DYM: variants seen among roughly 807,000 people sequenced by gnomAD.
DYM encodes the protein dyggve-Melchior-Clausen syndrome protein.
Under a neutral mutation model 93.1 loss-of-function variants are expected in DYM, and 78 were observed. The ratio of observed to expected loss-of-function variants is 0.84; its 90% confidence interval spans 0.70 to 1.01. DYM has a LOEUF of 1.01. Among genes scored for constraint, DYM ranks in the 50% least tolerant of loss-of-function variants. The pLI, the probability that DYM is intolerant of heterozygous loss-of-function variation, is 0.00. For synonymous variants in DYM, 321 were observed against 319.7 expected, an observed-to-expected ratio of 1.00 and a Z score of -0.04; for missense variants, 789 against 845.0, an observed-to-expected ratio of 0.93 and a Z score of 0.82.
chr18:49,112,492 G>A (rs879865742), intron 16 of DYM, among the ~76,000 whole-genome samples: 12 of 152,110 alleles, frequency 7.9e-5, no homozygotes, highest in Non-Finnish European at 1.5e-4. Context: ...TGGGTGGGCC[G>A]ATGACCCCTC....
intron 15 of DYM, among the ~76,000 whole-genome samples, chr18:49,139,153 CTT>C (rs571600084): frequency 1.8e-3 from 269 of 152,096 alleles, no homozygotes; most frequent in African/African-American, 6.0e-3. Context: ...TTTTCCTAAA[CTT>C]TTGTTGTAAT....
At chr18:49,194,420 G>GA (rs1456764868) in intron 14 of DYM, among the ~76,000 whole-genome samples, 1 of 151,972 alleles carries the variant, frequency 6.6e-6, no homozygotes, top group African/African-American at 2.4e-5. Context: ...CATCTGGTGG[G>GA]AAAAAAGGAT....
chr18:49,404,390 T>C (rs1189976303), intron 2 of DYM, among the ~76,000 whole-genome samples: 7 of 152,186 alleles, frequency 4.6e-5, no homozygotes, highest in Non-Finnish European at 8.8e-5. Context: ...TACAAGTGCA[T>C]GTGTCTTTTT....
At chr18:49,232,568 C>G (rs559420661) in intron 13 of DYM, among the ~76,000 whole-genome samples, 2 of 146,274 alleles carry the variant, frequency 1.4e-5, no homozygotes, top group Non-Finnish European at 3.0e-5. Flanking sequence ...CTCCAAAGTG[C>G]TGGGATTACA....
At chr18:49,399,940 T>TC (rs1271260660) in intron 2 of DYM, among the ~76,000 whole-genome samples, 1 of 121,382 alleles carries the variant, frequency 8.2e-6, no homozygotes, top group African/African-American at 3.5e-5. Flanking sequence ...TTTTCTTTTT[T>TC]TTTTTTTTTT....
intron 13 of DYM, among the ~76,000 whole-genome samples, chr18:49,210,349 C>A (rs994918433): frequency 6.6e-6 from 1 of 152,054 alleles, no homozygotes. Context: ...AACGGTGGTA[C>A]ATCTAGACGA....
At chr18:49,081,310 C>G (rs924222121) in intron 17 of DYM, among the ~76,000 whole-genome samples, 2 of 151,328 alleles carry the variant, frequency 1.3e-5, no homozygotes, top group African/African-American at 2.4e-5. Context: ...GAGACCAGCC[C>G]GGCCAACACA....
chr18:49,118,692 C>T (rs2082123397), intron 16 of DYM, 52 bp downstream of exon 16: 3 of 1,519,372 alleles, frequency 2.0e-6, no homozygotes, highest in African/African-American at 1.4e-5. Context: ...TAAACATTCT[C>T]TGCTTTAATA....
chr18:49,315,799 T>C (rs1313639494), intron 8 of DYM, among the ~76,000 whole-genome samples: 1 of 152,166 alleles, frequency 6.6e-6, no homozygotes, highest in Non-Finnish European at 1.5e-5. Flanking sequence ...TCATTGACAA[T>C]CTGAAAACAT....
rs759926355 is a variant in DYM at position 49,118,846 on chromosome 18, G to C, written c.1809C>G (p.His603Gln). 2 of 1,613,968 alleles carry C rather than the reference G, an allele frequency of 1.2e-6. No individual in the cohort carries two copies. Among genetic ancestry groups the C allele is most frequent in the African/African-American group, 2.7e-5 (2 of 74,920 alleles). ...GGGCGTATACCAAGTTTGGGTTGTG[G>C]TGAAGGGAATTTGTCAGGCAGGAGT... is the stretch of plus-strand genomic sequence containing the variant. ...IINSCLTNSL[H>Q]HNPNLVYALL... is the part of the protein sequence containing the mutation. Residue 603 changes from histidine (H) to glutamine (Q), a missense_variant, in exon 16 of 18, where the codon CAC becomes CAG. Physicochemically the swap from His to Gln is conservative, Grantham distance 24. This residue lies in a region of DYM where 225 missense variants were observed against 303.0 expected (regional missense o/e 0.74). Transcript: ENST00000675505.
At chr18:49,388,156 C>T (rs1204625956) in intron 3 of DYM, among the ~76,000 whole-genome samples, 1 of 151,904 alleles carries the variant, frequency 6.6e-6, no homozygotes, top group African/African-American at 2.4e-5. Context: ...ATGGCAAGAT[C>T]CCACCTCTAC....
At chr18:49,365,856 A>C (rs1306143809) in intron 5 of DYM, among the ~76,000 whole-genome samples, 4 of 152,192 alleles carry the variant, frequency 2.6e-5, no homozygotes, top group Admixed American at 2.0e-4. Flanking sequence ...AATGATGACA[A>C]GGATTCTCTA....
chr18:49,080,642 AC>A (rs1228004512), intron 17 of DYM, among the ~76,000 whole-genome samples: 9 of 111,338 alleles, frequency 8.1e-5, no homozygotes, highest in African/African-American at 2.2e-4. Flanking sequence ...CGGGGGGCTG[AC>A]CCCCCCCACC....
intron 15 of DYM, among the ~76,000 whole-genome samples, chr18:49,160,358 A>T (rs1530608): frequency 0.77 from 117,169 of 152,084 alleles, 45,286 homozygotes; most frequent in Non-Finnish European, 0.81. Flanking sequence ...ACTTGCGATT[A>T]GCTTTCTATG....
Position 49,036,755 on chromosome 18 carries a change from A to G in DYM, c.*7300T>C, listed in dbSNP as rs2070718658. The stretch of plus-strand genomic sequence containing the variant: ...GTGTGTGTAGAGACAGGAGGGTTTC[A>G]CCATGTTATCCAGGCTGGCTCTTAA... On this transcript the variant is annotated 3_prime_UTR_variant, in exon 18 of 18. Transcript: ENST00000675505. Among the ~76,000 whole-genome samples the G allele has an allele frequency of 6.6e-6, 1 of 151,928 alleles. No individual in the cohort carries two copies. Among genetic ancestry groups the G allele is most frequent in the African/African-American group, 2.4e-5 (1 of 41,348 alleles).
chr18:49,237,462 C>T (rs754202130), intron 13 of DYM, among the ~76,000 whole-genome samples: 2 of 151,980 alleles, frequency 1.3e-5, no homozygotes, highest in African/African-American at 4.8e-5. Flanking sequence ...TGTTATACAA[C>T]AAGACATCAA....
intron 6 of DYM, among the ~76,000 whole-genome samples, chr18:49,345,227 G>A (rs562033185): frequency 1.3e-5 from 2 of 152,204 alleles, no homozygotes; most frequent in East Asian, 3.9e-4. Flanking sequence ...GGGAAAAAAT[G>A]CACTCCAAGG....
At chr18:49,274,664 T>C (rs1232211506) in intron 10 of DYM, among the ~76,000 whole-genome samples, 1 of 152,168 alleles carries the variant, frequency 6.6e-6, no homozygotes, top group Non-Finnish European at 1.5e-5. Flanking sequence ...CATTTTATTC[T>C]AGGCATCACA....
intron 1 of DYM, among the ~76,000 whole-genome samples, chr18:49,452,120 T>C (rs1165280604): frequency 6.6e-6 from 1 of 152,044 alleles, no homozygotes; most frequent in African/African-American, 2.4e-5. Context: ...TCACAGTGAG[T>C]GTTACAGTTC....
Sources: gnomAD v4.1 joint callset for allele counts (sites outside exome capture counted in the v4.1 genomes callset) on GRCh38, gnomAD v4.1.1 for gene constraint, gnomAD v4.1.1 regional missense constraint, MANE v1.5 for transcripts, NCBI Gene and HGNC (gene_info 2026-07-23, HGNC 2026-07-21) for gene names.